The following ZBTB20 variants were observed in gnomAD, a reference collection of about 807,000 sequenced individuals.
ZBTB20 encodes the protein zinc finger and BTB domain-containing protein 20.
ZBTB20 carries 9 observed loss-of-function variants against 56.9 expected under a neutral mutation model. That is an observed-to-expected ratio of 0.16 (90% CI 0.10 to 0.28). The LOEUF (loss-of-function observed/expected upper bound fraction) is 0.28. Among genes scored for constraint, ZBTB20 ranks in the 10% least tolerant of loss-of-function variants. The pLI is 1.00. For missense variants in ZBTB20, 655 were observed against 1,003.0 expected (o/e 0.65, Z 4.69); for synonymous variants, 417 against 420.7 (o/e 0.99, Z 0.11).
chr3:114,847,202 A>G (rs2074750010), intron 4 of ZBTB20, among the ~76,000 whole-genome samples: 1 of 152,064 alleles, frequency 6.6e-6, no homozygotes, highest in Non-Finnish European at 1.5e-5. Context: ...GCTATTTTTC[A>G]CAATGGTCAC....
At chr3:114,946,473 A>C (rs1452591194) in intron 3 of ZBTB20, among the ~76,000 whole-genome samples, 1 of 145,606 alleles carries the variant, frequency 6.9e-6, no homozygotes, top group African/African-American at 2.8e-5. Flanking sequence ...GTCTTCTAGA[A>C]ACACAAATTT....
intron 7 of ZBTB20, among the ~76,000 whole-genome samples, chr3:114,395,041 T>TACTA (rs1215145350): frequency 2.0e-5 from 3 of 152,204 alleles, no homozygotes; most frequent in Admixed American, 6.6e-5. Context: ...CAATGAGCTT[T>TACTA]ACTAACCTTA....
intron 7 of ZBTB20, among the ~76,000 whole-genome samples, chr3:114,443,086 T>C (rs568915900): frequency 6.6e-6 from 1 of 152,226 alleles, no homozygotes; most frequent in South Asian, 2.1e-4. Context: ...GACAGCTAGC[T>C]ATCAAAAAGA....
At chr3:114,835,017 T>A (rs1240056564) in intron 4 of ZBTB20, among the ~76,000 whole-genome samples, 2 of 152,174 alleles carry the variant, frequency 1.3e-5, no homozygotes, top group Non-Finnish European at 2.9e-5. Context: ...CCACTTCTAA[T>A]CAAGGTCTGG....
At chr3:114,575,358 A>T (rs1460487658) in intron 6 of ZBTB20, among the ~76,000 whole-genome samples, 2 of 152,172 alleles carry the variant, frequency 1.3e-5, no homozygotes, top group Non-Finnish European at 2.9e-5. Flanking sequence ...TAAAATTTGC[A>T]CATCTGCAAA....
chr3:114,340,910 C>T (rs963129381), intron 11 of ZBTB20, among the ~76,000 whole-genome samples: 1 of 152,104 alleles, frequency 6.6e-6, no homozygotes, highest in Non-Finnish European at 1.5e-5. Flanking sequence ...AATAGGAGAG[C>T]TTTGATGTAT....
chr3:114,378,473 C>CA (rs1258590951), intron 10 of ZBTB20, among the ~76,000 whole-genome samples: 2 of 152,220 alleles, frequency 1.3e-5, no homozygotes, highest in Non-Finnish European at 2.9e-5. Flanking sequence ...ACACCATACT[C>CA]ACGCTGTTCC....
chr3:115,114,703 A>G (rs2083971117), intron 1 of ZBTB20, among the ~76,000 whole-genome samples: 1 of 152,022 alleles, frequency 6.6e-6, no homozygotes, highest in South Asian at 2.1e-4. Flanking sequence ...TCACATTGTA[A>G]TGAAAAGAAT....
chr3:114,385,824 C>T (rs772828659), intron 8 of ZBTB20, among the ~76,000 whole-genome samples: 4 of 151,986 alleles, frequency 2.6e-5, no homozygotes, highest in Non-Finnish European at 4.4e-5. Context: ...GCCGAGATGG[C>T]GCCACTGCAC....
chr3:115,069,785 T>A (rs2082340105), intron 2 of ZBTB20, among the ~76,000 whole-genome samples: 1 of 152,066 alleles, frequency 6.6e-6, no homozygotes, highest in African/African-American at 2.4e-5. Flanking sequence ...ATGGCTAACT[T>A]TTTTTAGTAT....
chr3:115,117,718 T>A (rs1362208351), intron 1 of ZBTB20, among the ~76,000 whole-genome samples: 1 of 152,140 alleles, frequency 6.6e-6, no homozygotes, highest in African/African-American at 2.4e-5. Flanking sequence ...ATGTAATCCA[T>A]CTGATATCTC....
intron 2 of ZBTB20, among the ~76,000 whole-genome samples, chr3:115,012,066 A>G (rs2079740013): frequency 6.6e-6 from 1 of 151,892 alleles, no homozygotes; most frequent in South Asian, 2.1e-4. Flanking sequence ...TACAATGGAT[A>G]CACAAAAAGT....
intron 1 of ZBTB20, among the ~76,000 whole-genome samples, chr3:115,134,933 T>C (rs2084614294): frequency 6.6e-6 from 1 of 152,224 alleles, no homozygotes. Context: ...CCTATCTCTA[T>C]TTCTTTTTAG....
intron 2 of ZBTB20, among the ~76,000 whole-genome samples, chr3:115,017,407 C>T (rs1455426220): frequency 1.3e-5 from 2 of 151,614 alleles, no homozygotes; most frequent in East Asian, 1.9e-4. Flanking sequence ...GAAAAACATT[C>T]CATGTTCATG....
At chr3:115,118,766 G>A (rs2084097175) in intron 1 of ZBTB20, among the ~76,000 whole-genome samples, 1 of 132,260 alleles carries the variant, frequency 7.6e-6, no homozygotes, top group African/African-American at 2.9e-5. Flanking sequence ...GCCCAGGCTG[G>A]ATGGAGTGCA....
At chr3:114,787,366 T>TATATATATATATATACACAC (rs1278656494) in intron 5 of ZBTB20, among the ~76,000 whole-genome samples, 1 of 82,898 alleles carries the variant, frequency 1.2e-5, no homozygotes, top group African/African-American at 5.3e-5. Flanking sequence ...TATATATATA[T>TATATATATATATATACACAC]ATACACACAC....
intron 1 of ZBTB20, among the ~76,000 whole-genome samples, chr3:115,081,750 G>A (rs958947430): frequency 6.6e-6 from 1 of 151,982 alleles, no homozygotes; most frequent in African/African-American, 2.4e-5. Context: ...TGAAATGTTT[G>A]ACTTCACCAT....
intron 5 of ZBTB20, among the ~76,000 whole-genome samples, chr3:114,769,583 ATATATATATATAT>A (rs1560228673): frequency 2.5e-4 from 17 of 67,046 alleles, no homozygotes; most frequent in Non-Finnish European, 6.1e-4. Flanking sequence ...ATATATATAT[ATATATATATATAT>A]AATGGAATAC....
At chr3:114,438,045 T>C (rs2090635322) in intron 7 of ZBTB20, among the ~76,000 whole-genome samples, 1 of 152,136 alleles carries the variant, frequency 6.6e-6, no homozygotes, top group Non-Finnish European at 1.5e-5. Context: ...ACATGTAGAC[T>C]GAAGCGAGGA....
Sources: allele counts gnomAD v4.1 joint callset (sites outside exome capture counted in the v4.1 genomes callset), GRCh38; gene constraint gnomAD v4.1.1; transcripts MANE v1.5; gene names NCBI Gene and HGNC (gene_info 2026-07-23, HGNC 2026-07-21).